The following SGCZ variants were observed in gnomAD, a reference collection of about 807,000 sequenced individuals.
SGCZ encodes zeta-sarcoglycan.
SGCZ carries 40 observed loss-of-function variants against 41.3 expected under a neutral mutation model. The observed-to-expected ratio is 0.97, with a 90% confidence interval of 0.75 to 1.26. SGCZ has a LOEUF of 1.26. SGCZ is among the 50% of genes most tolerant of loss of function. The pLI, the probability that SGCZ is intolerant of heterozygous loss-of-function variation, is 0.00. For missense variants in SGCZ, 552 were observed against 369.8 expected (o/e 1.49, Z -4.04); for synonymous variants, 206 against 137.5 (o/e 1.50, Z -3.49).
Position 14,190,010 on chromosome 8 carries a change from C to CTTTTT in SGCZ, c.425-25309_425-25308insAAAAA, listed in dbSNP as rs1397799185. Among the ~76,000 whole-genome samples, 469 of 68,254 alleles carry CTTTTT rather than the reference C, an allele frequency of 6.9e-3. 3 individuals carry two copies. Among genetic ancestry groups the CTTTTT allele is most frequent in the South Asian group, 0.039 (53 of 1,352 alleles). 44.8% of individuals were successfully genotyped at this position (68,254 alleles called of 152,430 possible). On this transcript the variant is annotated intron_variant, in intron 4 of 7. Coordinates refer to ENST00000382080, the MANE Select transcript of SGCZ (RefSeq NM_139167.4). ...GGGAGAATCTACTTTTTCTTTCTTT[C>CTTTTT]TTTCTTTTTTTTTTTTTTTTGAGAC...
chr8:14,531,245 C>T (rs1455893277), intron 2 of SGCZ, among the ~76,000 whole-genome samples: 1 of 148,654 alleles, frequency 6.7e-6, no homozygotes, highest in African/African-American at 2.5e-5. Context: ...CCATAAAAAC[C>T]CCAGATTCAG....
intron 4 of SGCZ, among the ~76,000 whole-genome samples, chr8:14,208,054 A>G (rs1437916819): frequency 6.6e-6 from 1 of 152,200 alleles, no homozygotes; most frequent in Non-Finnish European, 1.5e-5. Context: ...TATTAAATCC[A>G]ATCAACTTTC....
chr8:14,157,097 T>A (rs1280075762), intron 5 of SGCZ, among the ~76,000 whole-genome samples: 2 of 152,014 alleles, frequency 1.3e-5, no homozygotes, highest in Non-Finnish European at 2.9e-5. Flanking sequence ...AGTAGGTTTG[T>A]TTACATTGGC....
intron 1 of SGCZ, among the ~76,000 whole-genome samples, chr8:15,107,928 C>T (rs952831576): frequency 6.6e-6 from 1 of 152,150 alleles, no homozygotes; most frequent in African/African-American, 2.4e-5. Context: ...TAGGCTTGAA[C>T]AAATCATTAT....
intron 4 of SGCZ, among the ~76,000 whole-genome samples, chr8:14,214,068 C>T (rs1241203317): frequency 6.6e-6 from 1 of 152,000 alleles, no homozygotes; most frequent in Admixed American, 6.6e-5. Flanking sequence ...ATCTAACAAA[C>T]GTTAACCAGG....
intron 1 of SGCZ, among the ~76,000 whole-genome samples, chr8:15,066,277 C>T (rs1308846802): frequency 2.7e-5 from 4 of 148,858 alleles, no homozygotes; most frequent in Admixed American, 6.7e-5. Flanking sequence ...CACTGCAGTC[C>T]GCAGTCCGGC....
intron 1 of SGCZ, among the ~76,000 whole-genome samples, chr8:14,632,770 A>G (rs1037633794): frequency 1.3e-5 from 2 of 152,048 alleles, no homozygotes; most frequent in Non-Finnish European, 2.9e-5. Flanking sequence ...TATTGATTTA[A>G]AGTCAAAGTA....
At position 14,265,049 on chromosome 8, in the gene SGCZ, G is replaced by A. The variant is rs976898995; in HGVS notation, c.337-27370C>T. Among the ~76,000 whole-genome samples, 13 of 152,224 alleles carry A rather than the reference G, an allele frequency of 8.5e-5. No individual in the cohort carries two copies. In the South Asian group the frequency reaches 1.0e-3, roughly 12 times the overall value. On this transcript the variant is annotated intron_variant, in intron 3 of 7. Coordinates refer to ENST00000382080, the MANE Select transcript of SGCZ (RefSeq NM_139167.4). Reference sequence around the variant, plus strand: ...AAATTCCTAATTTTTCAGTATGCAGGTGTCATTGCATATCCACAAACATCA... The same window carrying A: ...AAATTCCTAATTTTTCAGTATGCAGATGTCATTGCATATCCACAAACATCA...
chr8:14,866,506 ATGTGCATATATATGAG>A (rs1280087398), intron 1 of SGCZ, among the ~76,000 whole-genome samples: 4 of 152,090 alleles, frequency 2.6e-5, no homozygotes, highest in Non-Finnish European at 5.9e-5. Flanking sequence ...CAACTCCAAA[ATGTGCATATATATGAG>A]ACTTGGGCTG....
intron 1 of SGCZ, among the ~76,000 whole-genome samples, chr8:15,200,321 C>T (rs7814931): frequency 9.5e-4 from 145 of 152,328 alleles, no homozygotes; most frequent in African/African-American, 3.4e-3. Flanking sequence ...GTAACAACCT[C>T]ATTAGAATTC....
intron 1 of SGCZ, among the ~76,000 whole-genome samples, chr8:14,758,029 AATAT>A (rs1325728116): frequency 6.6e-6 from 1 of 152,204 alleles, no homozygotes; most frequent in East Asian, 1.9e-4. Flanking sequence ...TATATACATA[AATAT>A]ATAAAATATT....
intron 2 of SGCZ, among the ~76,000 whole-genome samples, chr8:14,457,698 C>T (rs1800788521): frequency 6.6e-6 from 1 of 152,204 alleles, no homozygotes; most frequent in Non-Finnish European, 1.5e-5. Context: ...CTGTCTTTCT[C>T]TTTGTCTCCT....
chr8:14,486,905 T>C (rs1399302212), intron 2 of SGCZ, among the ~76,000 whole-genome samples: 1 of 152,236 alleles, frequency 6.6e-6, no homozygotes, highest in Non-Finnish European at 1.5e-5. Context: ...TCATGGAATC[T>C]AACAGAATCC....
At chr8:14,893,569 A>G (rs2130746524) in intron 1 of SGCZ, among the ~76,000 whole-genome samples, 1 of 152,306 alleles carries the variant, frequency 6.6e-6, no homozygotes, top group Non-Finnish European at 1.5e-5. Context: ...AATAATTAAC[A>G]ACCAGCTTAT....
intron 1 of SGCZ, among the ~76,000 whole-genome samples, chr8:14,792,719 T>G (rs1201167738): frequency 6.6e-6 from 1 of 152,062 alleles, no homozygotes; most frequent in East Asian, 1.9e-4. Context: ...TTCAACAGAA[T>G]CAATACCCCC....
intron 1 of SGCZ, among the ~76,000 whole-genome samples, chr8:14,842,125 A>G (rs1802941148): frequency 6.6e-6 from 1 of 152,212 alleles, no homozygotes; most frequent in Non-Finnish European, 1.5e-5. Context: ...TAAAACAAAC[A>G]TGAAACTTTA....
chr8:14,812,941 A>G (rs1055772145), intron 1 of SGCZ, among the ~76,000 whole-genome samples: 1 of 152,224 alleles, frequency 6.6e-6, no homozygotes, highest in African/African-American at 2.4e-5. Flanking sequence ...AATATGCCAG[A>G]CTTATATAAT....
intron 1 of SGCZ, among the ~76,000 whole-genome samples, chr8:14,562,508 G>C (rs1389210800): frequency 2.0e-5 from 3 of 152,024 alleles, no homozygotes; most frequent in Non-Finnish European, 4.4e-5. Flanking sequence ...AAATATAATG[G>C]ACATGGTAAT....
intron 1 of SGCZ, among the ~76,000 whole-genome samples, chr8:14,904,299 A>G (rs1172122718): frequency 3.3e-5 from 5 of 152,080 alleles, no homozygotes; most frequent in Admixed American, 1.3e-4. Flanking sequence ...ATTGTTTTCA[A>G]GGACAGAAAG....
Sources: allele counts gnomAD v4.1 joint callset (sites outside exome capture counted in the v4.1 genomes callset), GRCh38; gene constraint gnomAD v4.1.1; transcripts MANE v1.5; gene names NCBI Gene and HGNC (gene_info 2026-07-23, HGNC 2026-07-21).